Variants in AP4E1 observed in about 807,000 individuals in gnomAD.
AP4E1 encodes the protein AP-4 complex subunit epsilon-1.
In AP4E1, 56 loss-of-function variants were observed where a neutral mutation model predicts 128.2. The observed-to-expected ratio is 0.44, with a 90% CI of 0.35 to 0.55. The LOEUF (loss-of-function observed/expected upper bound fraction) is 0.55, where lower values mean the gene tolerates loss of function less well. Ranked by LOEUF, AP4E1 falls within the 20% of genes least tolerant of loss-of-function variation. The pLI is 0.00. For synonymous variants in AP4E1, 484 were observed against 473.1 expected (o/e 1.02, Z -0.30); for missense variants, 1,324 against 1,307.7 (o/e 1.01, Z -0.19).
Position 51,001,043 on chromosome 15 carries a change from G to T in AP4E1, c.3113G>T (p.Ser1038Ile). 6.2e-7 allele frequency: 1 copy of T among 1,612,488 alleles called. No individual in the cohort carries two copies. Residue 1038 changes from serine (S) to isoleucine (I), a missense_variant, in exon 20 of 21, where the codon AGT (serine) becomes ATT (isoleucine). By Grantham distance (142) the Ser-to-Ile change is moderately radical. Transcript: ENST00000261842. ...LDFIRPLKIS[S>I]DDFGKLWLSF... is the part of the protein sequence containing the mutation. ...ATTTTCAGACCATTAAAAATCTCAA[G>T]TGACGACTTTGGGAAACTCTGGTTA...
chr15:50,910,132 G>C (rs562468118), intron 1 of AP4E1, among the ~76,000 whole-genome samples: 2 of 152,176 alleles, frequency 1.3e-5, no homozygotes, highest in Non-Finnish European at 2.9e-5. Flanking sequence ...GATTATAGGC[G>C]TATGCCACTA....
rs568511026 is a variant in AP4E1 at position 50,915,634 on chromosome 15, A to G, written c.346+63A>G. 2.2e-5 allele frequency: 33 copies of G among 1,532,414 alleles called. No individual in the cohort carries two copies. In the Admixed American group the frequency reaches 2.5e-4, roughly 12 times the overall value. The allele number at this position is 1,532,414 out of a possible 1,614,324, so 94.9% of individuals were successfully genotyped here. ...GTCCTTGAAGTTGCATCTATTATAC[A>G]AAATGAATGATGGCATGTATATAGT... On this transcript the variant is annotated intron_variant, in intron 3 of 20. Transcript: ENST00000261842.
rs1164780342 is a variant in AP4E1, at chr15:50,950,035, A to G, written c.1430-16A>G. The G allele has an allele frequency of 1.9e-6, 3 of 1,597,822 alleles. No individual in the cohort carries two copies. In the East Asian group the frequency reaches 6.7e-5, roughly 36 times the overall value. Reference sequence around the variant, plus strand: ...AAGTTTGTGGAAATTAAAATGGTGTATCAATTTCTTTGTAGGTTTTGATGA... The same window carrying G: ...AAGTTTGTGGAAATTAAAATGGTGTGTCAATTTCTTTGTAGGTTTTGATGA... On this transcript the variant is annotated splice_polypyrimidine_tract_variant and intron_variant, in intron 12 of 20. Transcript: ENST00000261842.
chr15:50,998,018 G>A, intron 18 of AP4E1, 135 bp downstream of exon 18: 1 of 675,432 alleles, frequency 1.5e-6, no homozygotes, highest in Non-Finnish European at 2.4e-6. Flanking sequence ...CAAAGTAGAA[G>A]ATTAAGGAGT....
intron 3 of AP4E1, among the ~76,000 whole-genome samples, chr15:50,919,782 A>G (rs964216465): frequency 5.3e-5 from 8 of 151,730 alleles, no homozygotes; most frequent in Non-Finnish European, 1.2e-4. Flanking sequence ...TTTTTTAAAG[A>G]TATAATTTAT....
intron 16 of AP4E1, among the ~76,000 whole-genome samples, chr15:50,987,897 T>C (rs2064750533): frequency 6.6e-6 from 1 of 152,180 alleles, no homozygotes; most frequent in Non-Finnish European, 1.5e-5. Flanking sequence ...CTTATCTACC[T>C]TCCAAGACAG....
At chr15:50,911,752 A>G (rs1333462748) in intron 1 of AP4E1, among the ~76,000 whole-genome samples, 1 of 152,162 alleles carries the variant, frequency 6.6e-6, no homozygotes, top group East Asian at 1.9e-4. Flanking sequence ...TGCTGGGATT[A>G]CAGGCATGAG....
chr15:50,945,369 A>C (rs1054011740), intron 10 of AP4E1: 2 of 779,432 alleles, frequency 2.6e-6, no homozygotes, highest in South Asian at 1.3e-5. Flanking sequence ...AAAAGGTTAT[A>C]TTAGATATGA....
At chr15:50,975,880 G>A (rs565555258) in intron 15 of AP4E1, among the ~76,000 whole-genome samples, 1 of 152,212 alleles carries the variant, frequency 6.6e-6, no homozygotes, top group Non-Finnish European at 1.5e-5. Flanking sequence ...GGAGGCCATG[G>A]TGGGAGGATC....
At chr15:50,973,444 T>G (rs1179293011) in intron 15 of AP4E1, among the ~76,000 whole-genome samples, 2 of 151,802 alleles carry the variant, frequency 1.3e-5, no homozygotes, top group African/African-American at 4.9e-5. Context: ...TGGAGGTCTC[T>G]CCTCTTAACA....
intron 2 of AP4E1, 64 bp from the exon 3 acceptor site, chr15:50,915,384 A>G: frequency 6.6e-7 from 1 of 1,520,596 alleles, no homozygotes. Flanking sequence ...AATTATGAGA[A>G]CATAGTTAAA....
chr15:50,967,796 G>C lies in AP4E1; in HGVS notation c.1852-467G>C, dbSNP rs1356477954. Among the ~76,000 whole-genome samples the C allele has an allele frequency of 3.3e-5, 5 of 152,328 alleles. No individual in the cohort carries two copies. In the East Asian group the frequency reaches 5.8e-4, roughly 18 times the overall value. On this transcript the variant is annotated intron_variant, in intron 14 of 20. Coordinates refer to ENST00000261842, the MANE Select transcript of AP4E1 (RefSeq NM_007347.5). ...TGATTATAGATGTTTCAGAAAGCTAGAGAGTTGGGTAGCATTTTCATTCAT... is the reference window on the plus strand; with the variant it reads ...TGATTATAGATGTTTCAGAAAGCTACAGAGTTGGGTAGCATTTTCATTCAT...
intron 16 of AP4E1, among the ~76,000 whole-genome samples, chr15:50,989,227 T>C (rs1236419188): frequency 1.3e-5 from 2 of 152,180 alleles, no homozygotes; most frequent in East Asian, 3.8e-4. Flanking sequence ...GAGTTAAAAA[T>C]GTTTTAAGTA....
In AP4E1 at chr15:50,950,107, C is replaced by G; in HGVS notation, c.1486C>G (p.Leu496Val). The change falls in exon 13 of 21, where the codon CTC (leucine) becomes GTC (valine). Residue 496 changes from leucine to valine, a missense_variant. Physicochemically the swap from Leu to Val is conservative, Grantham distance 32. Transcript: ENST00000261842. ...AAGACTCTATGCAGTTCAGTCTTAT[C>G]TCACTTTACTGGATATGGAAAATGT... ...QLRLYAVQSY[L>V]TLLDMENVFY... 2 of 1,613,510 alleles carry G rather than the reference C, an allele frequency of 1.2e-6. No individual in the cohort carries two copies. Among genetic ancestry groups the G allele is most frequent in the Non-Finnish European group, 1.7e-6 (2 of 1,179,738 alleles).
chr15:50,934,501 T>C (rs1012964128), intron 7 of AP4E1, 123 bp from the exon 8 acceptor site: 1 of 673,216 alleles, frequency 1.5e-6, no homozygotes, highest in African/African-American at 1.8e-5. Context: ...CATAACTTCA[T>C]CATAAAATGA....
chr15:50,985,650 G>A (rs917034180), intron 16 of AP4E1, among the ~76,000 whole-genome samples: 1 of 152,092 alleles, frequency 6.6e-6, no homozygotes, highest in Non-Finnish European at 1.5e-5. Context: ...TGAGGGCTCT[G>A]TTCTGTTCCA....
At chr15:50,938,308 A>G (rs755812177) in intron 8 of AP4E1, among the ~76,000 whole-genome samples, 17 of 152,164 alleles carry the variant, frequency 1.1e-4, no homozygotes, top group Non-Finnish European at 2.4e-4. Flanking sequence ...CCAAGAAGAA[A>G]AGGGAAATTA....
At chr15:50,959,611 A>T (rs1195675587) in intron 14 of AP4E1, among the ~76,000 whole-genome samples, 1 of 152,244 alleles carries the variant, frequency 6.6e-6, no homozygotes, top group Non-Finnish European at 1.5e-5. Context: ...ACGTGAAAAC[A>T]CATGAAAGTA....
In AP4E1 at chr15:50,990,628, C is replaced by T. The variant is rs529974497; in HGVS notation, c.2091-2742C>T. Among the ~76,000 whole-genome samples the T allele has an allele frequency of 1.7e-4, 26 of 152,142 alleles. No individual in the cohort carries two copies. The South Asian group carries it at 3.5e-3, about 21-fold the overall frequency. On this transcript the variant is annotated intron_variant, in intron 16 of 20. Transcript: ENST00000261842. ...TTTGAACTCCTGGGCTCAAGTGATCCGCCTGCCTCAGCGTCAGTGCTGGCA... is the reference window on the plus strand; with the variant it reads ...TTTGAACTCCTGGGCTCAAGTGATCTGCCTGCCTCAGCGTCAGTGCTGGCA...
Sources: gnomAD v4.1 joint callset for allele counts (sites outside exome capture counted in the v4.1 genomes callset) on GRCh38, gnomAD v4.1.1 for gene constraint, MANE v1.5 for transcripts, NCBI Gene and HGNC (gene_info 2026-07-23, HGNC 2026-07-21) for gene names.